EFCAB11: variants seen among roughly 807,000 people sequenced by gnomAD.
The protein encoded by EFCAB11 is EF-hand calcium binding domain 11.
In EFCAB11, 14 loss-of-function variants were observed where a neutral mutation model predicts 23.0. That is an observed-to-expected ratio of 0.61 (90% CI 0.40 to 0.95). The LOEUF is 0.95. Ranked by LOEUF, EFCAB11 falls within the 40% of genes least tolerant of loss-of-function variation. The pLI, the probability that EFCAB11 is intolerant of heterozygous loss-of-function variation, is 0.00. For missense variants in EFCAB11, 198 were observed against 195.8 expected (o/e 1.01, Z -0.07); for synonymous variants, 65 against 66.6 (o/e 0.98, Z 0.11).
At chr14:89,885,505 C>T (rs1239802608) in intron 5 of EFCAB11, among the ~76,000 whole-genome samples, 1 of 151,922 alleles carries the variant, frequency 6.6e-6, no homozygotes, top group East Asian at 1.9e-4. Flanking sequence ...GGTGAAACCC[C>T]ATCTCTACTA....
At chr14:89,811,709 C>T (rs981415930) in intron 5 of EFCAB11, among the ~76,000 whole-genome samples, 1 of 152,148 alleles carries the variant, frequency 6.6e-6, no homozygotes, top group Non-Finnish European at 1.5e-5. Flanking sequence ...CATGGCTTCT[C>T]CCCTTGAGCC....
At chr14:89,936,093 A>G (rs969523023) in intron 3 of EFCAB11, among the ~76,000 whole-genome samples, 3 of 152,244 alleles carry the variant, frequency 2.0e-5, no homozygotes, top group African/African-American at 7.2e-5. Context: ...TTCTATTCAC[A>G]TAGCCAGCAA....
chr14:89,885,882 CTTTTT>C (rs149131993), intron 5 of EFCAB11, among the ~76,000 whole-genome samples: 1 of 144,006 alleles, frequency 6.9e-6, no homozygotes, highest in Non-Finnish European at 1.5e-5. Flanking sequence ...TTGTTTTTTT[CTTTTT>C]TTTTCTTTGG....
chr14:89,909,511 G>A (rs984138530), intron 5 of EFCAB11, among the ~76,000 whole-genome samples: 2 of 150,846 alleles, frequency 1.3e-5, no homozygotes, highest in East Asian at 1.9e-4. Context: ...AGCCGGGGGG[G>A]CGGACGTTGC....
chr14:89,890,398 A>T (rs1386672313), intron 5 of EFCAB11, among the ~76,000 whole-genome samples: 1 of 152,340 alleles, frequency 6.6e-6, no homozygotes, highest in East Asian at 1.9e-4. Flanking sequence ...AAAATGCCAG[A>T]ATTACTAAGC....
intron 5 of EFCAB11, among the ~76,000 whole-genome samples, chr14:89,849,248 C>T (rs1167632640): frequency 1.3e-5 from 2 of 152,190 alleles, no homozygotes; most frequent in Admixed American, 6.5e-5. Flanking sequence ...AATGTCTATC[C>T]CTCCACTCCA....
intron 5 of EFCAB11, among the ~76,000 whole-genome samples, chr14:89,873,320 C>T (rs1043430289): frequency 6.6e-6 from 1 of 152,062 alleles, no homozygotes; most frequent in Non-Finnish European, 1.5e-5. Flanking sequence ...CAATTACCTC[C>T]CACCAGCTCA....
At chr14:89,811,637 T>C (rs1886153547) in intron 5 of EFCAB11, among the ~76,000 whole-genome samples, 1 of 152,102 alleles carries the variant, frequency 6.6e-6, no homozygotes, top group Non-Finnish European at 1.5e-5. Flanking sequence ...GCCAGCTTTG[T>C]TGATGGAGAA....
At chr14:89,929,919 A>G (rs1479735266) in intron 5 of EFCAB11, among the ~76,000 whole-genome samples, 3 of 152,214 alleles carry the variant, frequency 2.0e-5, no homozygotes, top group Admixed American at 2.0e-4. Flanking sequence ...AGTATCTACT[A>G]AAACCATTTA....
chr14:89,814,397 C>T (rs552028414), intron 5 of EFCAB11, among the ~76,000 whole-genome samples: 1 of 152,212 alleles, frequency 6.6e-6, no homozygotes, highest in Non-Finnish European at 1.5e-5. Flanking sequence ...ATTTTTCCTT[C>T]AAGGGACTTT....
chr14:89,880,648 C>A (rs1888570768), intron 5 of EFCAB11, among the ~76,000 whole-genome samples: 1 of 151,848 alleles, frequency 6.6e-6, no homozygotes, highest in South Asian at 2.1e-4. Flanking sequence ...CTAATTACTT[C>A]ACAGAAAAAA....
At chr14:89,848,745 G>A (rs1887507413) in intron 5 of EFCAB11, 1 of 152,350 alleles carries the variant, frequency 6.6e-6, no homozygotes, top group South Asian at 2.1e-4. Flanking sequence ...TGGCCAACAT[G>A]GTGAAACCCT....
chr14:89,924,688 G>C, intron 5 of EFCAB11: 1 of 1,535,020 alleles, frequency 6.5e-7, no homozygotes. Context: ...CTGAAATAAA[G>C]CAAAAAGAGA....
rs1555370204 is a variant in EFCAB11, at chr14:89,810,755, C to CAG, written c.411-13432_411-13431insCT. ...TGGGTGACAAAGTGAGACTCCGTCTCAAAAAAAAAAAAAAAAAGAAATGGA... is the reference window on the plus strand; with the variant it reads ...TGGGTGACAAAGTGAGACTCCGTCTCAGAAAAAAAAAAAAAAAAAGAAATGGA... On this transcript the variant is annotated intron_variant, in intron 5 of 5. Coordinates refer to ENST00000316738, the MANE Select transcript of EFCAB11 (RefSeq NM_145231.4). Among the ~76,000 whole-genome samples the CAG allele has an allele frequency of 3.8e-4, 43 of 114,176 alleles. 1 individual carries two copies. The highest frequency in any genetic ancestry group is 2.6e-3 in the Admixed American group (28 of 10,792). 74.9% of individuals were successfully genotyped at this position (114,176 alleles called of 152,430 possible).
chr14:89,818,966 T>C (rs1354872378), intron 5 of EFCAB11, among the ~76,000 whole-genome samples: 1 of 152,164 alleles, frequency 6.6e-6, no homozygotes, highest in Non-Finnish European at 1.5e-5. Flanking sequence ...GGCAGTTTTG[T>C]AAAAAAACTA....
intron 5 of EFCAB11, among the ~76,000 whole-genome samples, chr14:89,915,866 T>C (rs1889823735): frequency 6.6e-6 from 1 of 152,170 alleles, no homozygotes; most frequent in Non-Finnish European, 1.5e-5. Context: ...GAAATAAAAA[T>C]GATTGAGGAG....
At chr14:89,926,964 C>T (rs1238015454) in intron 5 of EFCAB11, among the ~76,000 whole-genome samples, 1 of 152,148 alleles carries the variant, frequency 6.6e-6, no homozygotes, top group African/African-American at 2.4e-5. Flanking sequence ...GTTATGAACC[C>T]TAATAATATG....
At chr14:89,950,178 T>G (rs1257072606) in intron 2 of EFCAB11, 36 bp from the exon 3 acceptor site, 1 of 1,528,948 alleles carries the variant, frequency 6.5e-7, no homozygotes, top group Non-Finnish European at 8.9e-7. Flanking sequence ...ACATGTAATT[T>G]TATCACGTTT....
intron 5 of EFCAB11, among the ~76,000 whole-genome samples, chr14:89,849,441 A>G (rs573772155): frequency 6.6e-6 from 1 of 152,294 alleles, no homozygotes; most frequent in East Asian, 1.9e-4. Flanking sequence ...GGTGTAATCT[A>G]TTTTGGTAGG....
Sources: gnomAD v4.1 joint callset for allele counts (sites outside exome capture counted in the v4.1 genomes callset) on GRCh38, gnomAD v4.1.1 for gene constraint, MANE v1.5 for transcripts, NCBI Gene and HGNC (gene_info 2026-07-23, HGNC 2026-07-21) for gene names.